SLC25A21: variants seen among roughly 807,000 people sequenced by gnomAD.
The protein encoded by SLC25A21 is solute carrier family 25 member 21.
SLC25A21 carries 47 observed loss-of-function variants against 43.8 expected under a neutral mutation model. That is an observed-to-expected ratio of 1.07 (90% CI 0.85 to 1.37). The LOEUF is 1.37. SLC25A21 is among the 40% of genes most tolerant of loss of function. The pLI, the probability that SLC25A21 is intolerant of heterozygous loss-of-function variation, is 0.00. For synonymous variants in SLC25A21, 131 were observed against 121.3 expected (o/e 1.08, Z -0.52); for missense variants, 352 against 350.2 (o/e 1.00, Z -0.04).
intron 1 of SLC25A21, among the ~76,000 whole-genome samples, chr14:37,098,738 TAGATAGATAGACAGACAGAC>T (rs1234538175): frequency 0.036 from 293 of 8,170 alleles, 2 homozygotes; most frequent in South Asian, 0.056. Context: ...GATAGATAGA[TAGATAGATAGACAGACAGAC>T]AGACAGACAG....
chr14:36,810,158 A>C (rs1053289435), intron 3 of SLC25A21, among the ~76,000 whole-genome samples: 2 of 152,348 alleles, frequency 1.3e-5, no homozygotes, highest in East Asian at 3.9e-4. Context: ...CAGCATGTCC[A>C]GATCTAAAGG....
chr14:36,924,973 T>A (rs867479722), intron 1 of SLC25A21, among the ~76,000 whole-genome samples: 1 of 152,158 alleles, frequency 6.6e-6, no homozygotes, highest in South Asian at 2.1e-4. Flanking sequence ...GACAATTGTA[T>A]TCTGCCGTGA....
intron 3 of SLC25A21, among the ~76,000 whole-genome samples, chr14:36,776,238 C>CTT (rs35856297): frequency 0.027 from 2,427 of 89,834 alleles, 154 homozygotes; most frequent in African/African-American, 0.074. Flanking sequence ...TTCTTTCTTT[C>CTT]TTTTTTTTTT....
At position 36,725,675 on chromosome 14, in the gene SLC25A21, T is replaced by C. The variant is rs1884574849; in HGVS notation, c.333A>G (p.Thr111=). The part of the protein sequence containing the change: ...LGYVSLSPAL[T]FAIAGLGSGL... ...CAGATCCCAATCCAGCAATGGCGAA[T>C]GTCTAGAAAAATTAAATCAATCAAT... The change falls in exon 6 of 10, where the codon ACA becomes ACG. Residue 111 remains threonine, a splice_region_variant and synonymous_variant. Coordinates refer to ENST00000331299, the MANE Select transcript of SLC25A21 (RefSeq NM_030631.4). 6.3e-7 allele frequency: 1 copy of C among 1,593,506 alleles called. No homozygotes were observed. The highest frequency in any genetic ancestry group is 8.5e-7 in the Non-Finnish European group (1 of 1,169,674).
chr14:36,895,399 T>C (rs1366589732), intron 1 of SLC25A21, among the ~76,000 whole-genome samples: 2 of 152,182 alleles, frequency 1.3e-5, no homozygotes, highest in Non-Finnish European at 2.9e-5. Flanking sequence ...CCCTTTATCA[T>C]TTATTATTGC....
At chr14:36,886,858 T>A (rs1890930126) in intron 1 of SLC25A21, among the ~76,000 whole-genome samples, 1 of 152,196 alleles carries the variant, frequency 6.6e-6, no homozygotes, top group Admixed American at 6.6e-5. Flanking sequence ...TTTAACTCTA[T>A]TTTAGACCCC....
intron 1 of SLC25A21, among the ~76,000 whole-genome samples, chr14:37,004,408 G>C (rs868304636): frequency 1.8e-4 from 27 of 152,224 alleles, no homozygotes; most frequent in African/African-American, 6.3e-4. Context: ...AATAAAAATG[G>C]CTGCAGAGTC....
intron 1 of SLC25A21, among the ~76,000 whole-genome samples, chr14:36,921,034 A>T (rs1891965845): frequency 6.6e-6 from 1 of 152,178 alleles, no homozygotes; most frequent in Non-Finnish European, 1.5e-5. Context: ...ACAATCAATC[A>T]TATGGGAGGG....
chr14:36,820,666 ATTTGAG>A (rs1182955086), intron 2 of SLC25A21, among the ~76,000 whole-genome samples: 1 of 152,182 alleles, frequency 6.6e-6, no homozygotes, highest in African/African-American at 2.4e-5. Flanking sequence ...CAGACTTAAT[ATTTGAG>A]TTTGTTAGCC....
At chr14:36,718,682 G>T (rs1412286757) in intron 6 of SLC25A21, among the ~76,000 whole-genome samples, 1 of 152,096 alleles carries the variant, frequency 6.6e-6, no homozygotes, top group Non-Finnish European at 1.5e-5. Flanking sequence ...AGATTATTAA[G>T]TTCCCAGGAT....
intron 1 of SLC25A21, among the ~76,000 whole-genome samples, chr14:36,997,881 TAC>T (rs1960407195): frequency 6.6e-6 from 1 of 152,040 alleles, no homozygotes; most frequent in Admixed American, 6.6e-5. Flanking sequence ...CCAAGTTTTA[TAC>T]ACTTAGAGAT....
At chr14:37,159,107 T>C (rs189346466) in intron 1 of SLC25A21, among the ~76,000 whole-genome samples, 60 of 151,090 alleles carry the variant, frequency 4.0e-4, no homozygotes, top group African/African-American at 1.2e-3. Context: ...TGGAAAAAAA[T>C]CCTATGCTCA....
At chr14:36,699,850 G>C (rs1883203328) in intron 7 of SLC25A21, among the ~76,000 whole-genome samples, 4 of 152,144 alleles carry the variant, frequency 2.6e-5, no homozygotes, top group Admixed American at 6.6e-5. Flanking sequence ...CAGATAGTCT[G>C]TCACGGCTTC....
chr14:36,976,342 T>G (rs1303374501), intron 1 of SLC25A21, among the ~76,000 whole-genome samples: 1 of 152,170 alleles, frequency 6.6e-6, no homozygotes, highest in Non-Finnish European at 1.5e-5. Flanking sequence ...AAATGTTGTC[T>G]GTGGACCTGA....
In SLC25A21 at chr14:36,974,441, T is replaced by C. The variant is rs139500214; in HGVS notation, c.71-99437A>G. On this transcript the variant is annotated intron_variant, in intron 1 of 9. Transcript: ENST00000331299. ...AGAACTTGCCATAAGAAACAGTAGG[T>C]ACACATATTATATCTTTTTTCCCTA... 7.4e-3 allele frequency among the ~76,000 whole-genome samples: 1,124 copies of C among 152,342 alleles called. 13 individuals carry two copies. The highest frequency in any genetic ancestry group is 0.025 in the African/African-American group (1,056 of 41,588).
intron 1 of SLC25A21, among the ~76,000 whole-genome samples, chr14:37,062,023 C>G (rs1485393110): frequency 1.3e-5 from 2 of 152,040 alleles, no homozygotes; most frequent in African/African-American, 4.8e-5. Flanking sequence ...GTATGGCCCC[C>G]CTGTAGAAAC....
chr14:36,716,155 A>T (rs904140145), intron 6 of SLC25A21, among the ~76,000 whole-genome samples: 6 of 152,200 alleles, frequency 3.9e-5, no homozygotes, highest in African/African-American at 1.4e-4. Context: ...AAACACTGAA[A>T]GAAAAATATC....
intron 1 of SLC25A21, among the ~76,000 whole-genome samples, chr14:36,927,164 C>G (rs964043081): frequency 6.6e-6 from 1 of 152,104 alleles, no homozygotes; most frequent in Non-Finnish European, 1.5e-5. Context: ...GACAAGACTT[C>G]GTCTTAAAAC....
At chr14:36,681,050 G>A (rs979110302) in intron 9 of SLC25A21, among the ~76,000 whole-genome samples, 1 of 152,122 alleles carries the variant, frequency 6.6e-6, no homozygotes, top group South Asian at 2.1e-4. Flanking sequence ...TGGCTTTCCT[G>A]TGAACAGAAA....
Sources: allele counts gnomAD v4.1 joint callset (sites outside exome capture counted in the v4.1 genomes callset), GRCh38; gene constraint gnomAD v4.1.1; transcripts MANE v1.5; gene names NCBI Gene and HGNC (gene_info 2026-07-23, HGNC 2026-07-21).